Variants in TTC28 observed in about 807,000 individuals in gnomAD.
TTC28 encodes the protein tetratricopeptide repeat domain 28.
In TTC28, 61 loss-of-function variants were observed where a neutral mutation model predicts 198.0. That is an observed-to-expected ratio of 0.31 (90% confidence interval 0.25 to 0.38). TTC28 has a LOEUF of 0.38. Among genes scored for constraint, TTC28 ranks in the 10% least tolerant of loss-of-function variants. The probability of loss-of-function intolerance (pLI) is 1.00; values close to 1 mark genes in which losing one functional copy is unlikely to be tolerated. For missense variants in TTC28, 2,678 were observed against 3,164.0 expected, an observed-to-expected ratio of 0.85 and a Z score of 3.69; for synonymous variants, 1,171 against 1,297.8, an observed-to-expected ratio of 0.90 and a Z score of 2.10.
intron 5 of TTC28, among the ~76,000 whole-genome samples, chr22:28,201,751 C>CAAAAAAAAAAAAA (rs34790960): frequency 1.2e-5 from 1 of 81,010 alleles, no homozygotes; most frequent in African/African-American, 5.0e-5. Context: ...TTACAGAAAG[C>CAAAAAAAAAAAAA]AAAAAAAAAA....
intron 2 of TTC28, among the ~76,000 whole-genome samples, chr22:28,388,835 C>A (rs978807230): frequency 1.6e-4 from 24 of 152,140 alleles, no homozygotes; most frequent in African/African-American, 5.1e-4. Context: ...CCCTTTATTT[C>A]CTTCTCCTGC....
At chr22:28,368,399 C>A (rs564455022) in intron 2 of TTC28, among the ~76,000 whole-genome samples, 1 of 152,116 alleles carries the variant, frequency 6.6e-6, no homozygotes, top group Non-Finnish European at 1.5e-5. Context: ...CATGCCTCAA[C>A]ATAATAAAAG....
intron 2 of TTC28, among the ~76,000 whole-genome samples, chr22:28,333,001 T>C (rs2045640866): frequency 6.6e-6 from 1 of 152,112 alleles, no homozygotes; most frequent in Admixed American, 6.6e-5. Flanking sequence ...GCAATGTAAA[T>C]GTAAAAAACA....
chr22:28,082,482 C>T (rs1158754252), intron 12 of TTC28, among the ~76,000 whole-genome samples: 1 of 152,160 alleles, frequency 6.6e-6, no homozygotes, highest in Non-Finnish European at 1.5e-5. Context: ...TTGTCAAATG[C>T]TTTTCTGCAT....
Position 28,014,460 on chromosome 22 carries a change from C to G in TTC28, c.4074-68G>C, listed in dbSNP as rs1000107199. 2.8e-5 allele frequency: 41 copies of G among 1,468,786 alleles called. No homozygotes were observed. In the African/African-American group the frequency reaches 5.2e-4, roughly 19 times the overall value. 91.0% of individuals were successfully genotyped at this position (1,468,786 alleles called of 1,614,324 possible). On this transcript the variant is annotated intron_variant, in intron 13 of 22. Coordinates refer to ENST00000397906, the MANE Select transcript of TTC28 (RefSeq NM_001145418.2). ...CAGGCAAAGACTCACCCTGGCCCTCCAAGCCATGCCCCTGTATGGAAGGCA... is the reference window on the plus strand; with the variant it reads ...CAGGCAAAGACTCACCCTGGCCCTCGAAGCCATGCCCCTGTATGGAAGGCA...
intron 13 of TTC28, among the ~76,000 whole-genome samples, chr22:28,021,930 G>T (rs1041722454): frequency 6.6e-6 from 1 of 152,204 alleles, no homozygotes; most frequent in African/African-American, 2.4e-5. Flanking sequence ...GGAATCTCAG[G>T]GCCAGGTGGG....
At chr22:27,985,123 A>G (rs1315128456) in intron 22 of TTC28, 126 bp downstream of exon 22, 1 of 686,650 alleles carries the variant, frequency 1.5e-6, no homozygotes, top group Non-Finnish European at 2.4e-6. Context: ...ACTGTTCCCT[A>G]ACAAACATAC....
chr22:28,376,324 A>G (rs1476189870), intron 2 of TTC28, among the ~76,000 whole-genome samples: 1 of 152,216 alleles, frequency 6.6e-6, no homozygotes, highest in African/African-American at 2.4e-5. Flanking sequence ...TTTACTGAGC[A>G]TTCAGCATGT....
chr22:28,622,664 C>A (rs1045206569), intron 2 of TTC28, among the ~76,000 whole-genome samples: 2 of 151,992 alleles, frequency 1.3e-5, no homozygotes, highest in Admixed American at 6.6e-5. Context: ...CAGAAATTGA[C>A]AAGCTTGATT....
chr22:28,165,963 A>T (rs1184356012), intron 5 of TTC28, among the ~76,000 whole-genome samples: 2 of 152,226 alleles, frequency 1.3e-5, no homozygotes, highest in African/African-American at 4.8e-5. Context: ...ACATAGGCTC[A>T]AAATAAAGGG....
intron 21 of TTC28, 109 bp downstream of exon 21, chr22:27,989,769 T>C: frequency 1.5e-6 from 2 of 1,377,032 alleles, no homozygotes. Flanking sequence ...TTTAAGATAA[T>C]ATTTTAAGAA....
At chr22:27,992,495 A>T in intron 19 of TTC28, 92 bp downstream of exon 19, 1 of 1,296,556 alleles carries the variant, frequency 7.7e-7, no homozygotes, top group Non-Finnish European at 1.1e-6. Context: ...GACTGCATTC[A>T]CTTACAGGTT....
chr22:28,538,960 T>C (rs34277219), intron 2 of TTC28, among the ~76,000 whole-genome samples: 7,416 of 152,246 alleles, frequency 0.049, 264 homozygotes, highest in African/African-American at 0.095. Context: ...TACCTGCTTG[T>C]CTGCTCAGTG....
chr22:28,013,873 G>A (rs1938252680), intron 14 of TTC28, among the ~76,000 whole-genome samples: 1 of 152,186 alleles, frequency 6.6e-6, no homozygotes, highest in Admixed American at 6.5e-5. Flanking sequence ...CAACTGCTTA[G>A]AGGTGCACCT....
At chr22:28,277,080 A>G (rs2145724110) in intron 5 of TTC28, among the ~76,000 whole-genome samples, 1 of 152,184 alleles carries the variant, frequency 6.6e-6, no homozygotes, top group Non-Finnish European at 1.5e-5. Flanking sequence ...CTAAAATAAT[A>G]AAAAAAATTT....
Position 28,107,511 on chromosome 22 carries a change from T to G in TTC28, c.2334A>C (p.Thr778=). The G allele has an allele frequency of 6.4e-7, 1 of 1,551,762 alleles. No individual in the cohort carries two copies. The highest frequency in any genetic ancestry group is 8.7e-7 in the Non-Finnish European group (1 of 1,147,008). The change falls in exon 7 of 23, where the codon ACA becomes ACC. Residue 778 remains threonine, a synonymous_variant. Transcript: ENST00000397906. ...GCTCCTGATATACCTCCAGTTCCTGTGTGTGATAACCCAGGGCCTTGTCAT... is the reference window on the plus strand; with the variant it reads ...GCTCCTGATATACCTCCAGTTCCTGGGTGTGATAACCCAGGGCCTTGTCAT... ...QKYDKALGYH[T]QELEVYQELS... is the part of the protein sequence containing the mutation.
intron 5 of TTC28, among the ~76,000 whole-genome samples, chr22:28,171,700 A>G (rs1218300971): frequency 5.9e-5 from 9 of 151,716 alleles, no homozygotes; most frequent in Non-Finnish European, 2.9e-5. Flanking sequence ...AAAGACTTAG[A>G]AAATAGAGAG....
At chr22:28,428,200 G>C (rs1309082581) in intron 2 of TTC28, among the ~76,000 whole-genome samples, 2 of 150,766 alleles carry the variant, frequency 1.3e-5, no homozygotes, top group Non-Finnish European at 2.9e-5. Context: ...TGAGTATGTA[G>C]GAAAATGCCC....
intron 2 of TTC28, among the ~76,000 whole-genome samples, chr22:28,534,757 T>C (rs976278720): frequency 1.3e-5 from 2 of 152,148 alleles, no homozygotes; most frequent in African/African-American, 4.8e-5. Context: ...TTCATGTCCT[T>C]TGTAGGGACA....
Sources: allele counts gnomAD v4.1 joint callset (sites outside exome capture counted in the v4.1 genomes callset), GRCh38; gene constraint gnomAD v4.1.1; transcripts MANE v1.5; gene names NCBI Gene and HGNC (gene_info 2026-07-23, HGNC 2026-07-21).